PCYT1A: variants seen among roughly 807,000 people sequenced by gnomAD.
The protein encoded by PCYT1A is phosphate cytidylyltransferase 1A, choline, also known as choline-phosphate cytidylyltransferase A.
A neutral mutation model predicts 43.7 loss-of-function variants in PCYT1A; 25 were observed. The ratio of observed to expected loss-of-function variants is 0.57; its 90% confidence interval spans 0.42 to 0.80. The LOEUF (loss-of-function observed/expected upper bound fraction) is 0.80, where lower values mean the gene tolerates loss of function less well. PCYT1A is among the 30% of genes least tolerant of loss of function. The probability of loss-of-function intolerance (pLI) is 0.00; values close to 1 mark genes in which losing one functional copy is unlikely to be tolerated. For synonymous variants in PCYT1A, 172 were observed against 170.7 expected (o/e 1.01, Z -0.06); for missense variants, 421 against 474.2 (o/e 0.89, Z 1.04).
intron 2 of PCYT1A, among the ~76,000 whole-genome samples, chr3:196,261,786 T>C (rs1449433025): frequency 7.9e-6 from 1 of 125,970 alleles, no homozygotes; most frequent in Non-Finnish European, 1.7e-5. Flanking sequence ...CAAAACTCCA[T>C]CTCAAAAAAA....
rs937516164 is a variant in PCYT1A, at chr3:196,283,454, T to C, written c.-11+4161A>G. 3.3e-5 allele frequency: 5 copies of C among 152,284 alleles called. No homozygotes were observed. In the East Asian group the frequency reaches 5.8e-4, roughly 18 times the overall value. 9.4% of individuals were successfully genotyped at this position (152,284 alleles called of 1,614,324 possible). A position where few individuals can be genotyped will look rare whatever the true frequency, so the allele number is the denominator to read the frequency against. On this transcript the variant is annotated intron_variant, in intron 1 of 8. Coordinates refer to ENST00000431016, the MANE Select transcript of PCYT1A (RefSeq NM_001312673.2). The stretch of plus-strand genomic sequence containing the variant: ...CAGGTAATTCAATTATTTACATTAA[T>C]GAATAAGGTAGGTAACAAACCTAAA...
Position 196,247,772 on chromosome 3 carries a change from T to G in PCYT1A, c.335-254A>C. On this transcript the variant is annotated intron_variant, in intron 4 of 8. Transcript: ENST00000431016. This position sits in a 1 kb window ranked among gnomAD's most constrained non-coding sequence, Gnocchi z 4.8. ...ACAGTACAACAGGTGACCAAGATCT[T>G]TGACTCTGAAATAAACCTGCTGTGC... The G allele has an allele frequency of 1.6e-6, 1 of 634,652 alleles. No homozygotes were observed. Among genetic ancestry groups the G allele is most frequent in the Non-Finnish European group, 2.9e-6 (1 of 345,426 alleles). The allele number at this position is 634,652 out of a possible 1,614,324, so 39.3% of individuals were successfully genotyped here. A position where few individuals can be genotyped will look rare whatever the true frequency, so the allele number is the denominator to read the frequency against.
At position 196,282,185 on chromosome 3, in the gene PCYT1A, T is replaced by C. The variant is rs997019208; in HGVS notation, c.-11+5430A>G. The stretch of plus-strand genomic sequence containing the variant: ...AACAAACACTGAGCGGCACTTACTC[T>C]GTGCCAGACCCTGGGTTAGCCACTG... On this transcript the variant is annotated intron_variant, in intron 1 of 8. Transcript: ENST00000431016. The surrounding 1 kb of genome is among the most constrained non-coding windows in gnomAD (Gnocchi z 4.3). Among the ~76,000 whole-genome samples the C allele has an allele frequency of 6.6e-6, 1 of 152,236 alleles. No homozygotes were observed. The highest frequency in any genetic ancestry group is 2.4e-5 in the African/African-American group (1 of 41,460).
chr3:196,262,350 T>C (rs1302930535), intron 2 of PCYT1A, among the ~76,000 whole-genome samples: 3 of 152,216 alleles, frequency 2.0e-5, no homozygotes, highest in East Asian at 3.8e-4. Flanking sequence ...AAGTTTACTA[T>C]GAGGATTAAA....
At chr3:196,279,713 T>C (rs1261089356) in intron 1 of PCYT1A, among the ~76,000 whole-genome samples, 1 of 152,036 alleles carries the variant, frequency 6.6e-6, no homozygotes, top group Non-Finnish European at 1.5e-5. Context: ...GTCATATTTT[T>C]CCAATGTGAA....
chr3:196,258,590 GGA>G (rs1234179443), intron 2 of PCYT1A, among the ~76,000 whole-genome samples: 1 of 128,232 alleles, frequency 7.8e-6, no homozygotes, highest in Non-Finnish European at 1.7e-5. Flanking sequence ...TTTCCAATCT[GGA>G]TTTTTTTTTT....
rs1724140657 is a variant in PCYT1A, at chr3:196,235,672, T to G, written c.*3016A>C. 1 of 152,256 alleles carries G rather than the reference T, an allele frequency of 6.6e-6. No individual in the cohort carries two copies. Among genetic ancestry groups the G allele is most frequent in the Admixed American group, 6.5e-5 (1 of 15,290 alleles). 9.4% of individuals were successfully genotyped at this position (152,256 alleles called of 1,614,324 possible). ...AATGTCTCACACACAGAGGCTCTGC[T>G]CTAAGGCCAACACTTCTGGCTCTCT... On this transcript the variant is annotated 3_prime_UTR_variant, in exon 9 of 9. Coordinates refer to ENST00000431016, the MANE Select transcript of PCYT1A (RefSeq NM_001312673.2). The surrounding 1 kb of genome is among the most constrained non-coding windows in gnomAD (Gnocchi z 4.3).
rs1264437935 is a variant in PCYT1A at position 196,247,255 on chromosome 3, A to G, written c.486+112T>C. On this transcript the variant is annotated intron_variant, in intron 5 of 8. Coordinates refer to ENST00000431016, the MANE Select transcript of PCYT1A (RefSeq NM_001312673.2). The surrounding 1 kb of genome is among the most constrained non-coding windows in gnomAD (Gnocchi z 4.8). ...CACTGTCATCTCCTACGAAACTTAC[A>G]TAAGAGGTAGAAGTAAAACACGGCT... is the stretch of plus-strand genomic sequence containing the variant. 10 of 1,078,852 alleles carry G rather than the reference A, an allele frequency of 9.3e-6. No homozygotes were observed. The highest frequency in any genetic ancestry group is 5.7e-5 in the Admixed American group (3 of 52,756). 66.8% of individuals were successfully genotyped at this position (1,078,852 alleles called of 1,614,324 possible). A position where few individuals can be genotyped will look rare whatever the true frequency, so the allele number is the denominator to read the frequency against.
rs769080225 is a variant in PCYT1A, at chr3:196,234,763, A to G, written c.*3925T>C. ...TGGCAGACAACAATCTTTCTTCTTC[A>G]AGAAAATTAACATTTAATGGTATAA... On this transcript the variant is annotated 3_prime_UTR_variant, in exon 9 of 9. Coordinates refer to ENST00000431016, the MANE Select transcript of PCYT1A (RefSeq NM_001312673.2). 6.6e-6 allele frequency: 1 copy of G among 152,240 alleles called. No individual in the cohort carries two copies. Among genetic ancestry groups the G allele is most frequent in the Non-Finnish European group, 1.5e-5 (1 of 68,046 alleles). 9.4% of individuals were successfully genotyped at this position (152,240 alleles called of 1,614,324 possible).
In PCYT1A at chr3:196,242,182, C is replaced by A; in HGVS notation, c.566-92G>T. On this transcript the variant is annotated intron_variant, in intron 6 of 8. Transcript: ENST00000431016. This position sits in a 1 kb window ranked among gnomAD's most constrained non-coding sequence, Gnocchi z 4.2. ...GGAAATTGGGGGCAACATTCCTTTC[C>A]TTTCCTCAAAAAGCAGAATCTGTTA... 7.8e-7 allele frequency: 1 copy of A among 1,280,282 alleles called. No individual in the cohort carries two copies. Among genetic ancestry groups the A allele is most frequent in the Non-Finnish European group, 1.1e-6 (1 of 892,196 alleles). 79.3% of individuals were successfully genotyped at this position (1,280,282 alleles called of 1,614,324 possible). A position where few individuals can be genotyped will look rare whatever the true frequency, so the allele number is the denominator to read the frequency against.
chr3:196,243,769 C>T (rs1416216282), intron 5 of PCYT1A, among the ~76,000 whole-genome samples: 11 of 152,258 alleles, frequency 7.2e-5, no homozygotes, highest in Non-Finnish European at 1.6e-4. Context: ...CTCCTAACCG[C>T]GAGTGATCCG....
At chr3:196,245,844 G>T (rs113920467) in intron 5 of PCYT1A, among the ~76,000 whole-genome samples, 1 of 151,616 alleles carries the variant, frequency 6.6e-6, no homozygotes, top group Middle Eastern at 3.2e-3. Flanking sequence ...CCAGCTACTC[G>T]GGAGGCTGAG....
intron 1 of PCYT1A, among the ~76,000 whole-genome samples, chr3:196,275,958 G>GT (rs1227954046): frequency 6.6e-6 from 1 of 151,680 alleles, no homozygotes; most frequent in Non-Finnish European, 1.5e-5. Flanking sequence ...TTAGCCAGGC[G>GT]TGGTGGCGGG....
At chr3:196,248,557 A>T (rs567356676) in intron 3 of PCYT1A, among the ~76,000 whole-genome samples, 110 of 151,882 alleles carry the variant, frequency 7.2e-4, no homozygotes, top group African/African-American at 2.5e-3. Flanking sequence ...TTTTTAGTAG[A>T]GATGGGGTTT....
chr3:196,262,090 AG>A (rs773589785), intron 2 of PCYT1A, among the ~76,000 whole-genome samples: 7 of 152,230 alleles, frequency 4.6e-5, no homozygotes, highest in Non-Finnish European at 1.0e-4. Context: ...TTATAAAAGT[AG>A]GACTAAATAT....
chr3:196,270,617 T>G (rs1725403350), intron 1 of PCYT1A, 76 bp from the exon 2 acceptor site: 1 of 912,248 alleles, frequency 1.1e-6, no homozygotes, highest in Non-Finnish European at 1.8e-6. Flanking sequence ...TCAGAGACGT[T>G]GACGTGGATA....
At chr3:196,269,185 C>T (rs1468789613) in intron 2 of PCYT1A, among the ~76,000 whole-genome samples, 1 of 152,180 alleles carries the variant, frequency 6.6e-6, no homozygotes, top group Non-Finnish European at 1.5e-5. Context: ...TAATTTGTTA[C>T]AAATGCAACA....
In PCYT1A at chr3:196,238,635, G is replaced by A; in HGVS notation, c.*53C>T. 1 of 1,203,362 alleles carries A rather than the reference G, an allele frequency of 8.3e-7. No homozygotes were observed. Among genetic ancestry groups the A allele is most frequent in the South Asian group, 1.7e-5 (1 of 58,818 alleles). 74.5% of individuals were successfully genotyped at this position (1,203,362 alleles called of 1,614,324 possible). The stretch of plus-strand genomic sequence containing the variant: ...GTCACAATTTGGAATTCAACAGAGA[G>A]CTTCTGAAGGTAATGGGACAGAAAG... On this transcript the variant is annotated 3_prime_UTR_variant, in exon 9 of 9. Transcript: ENST00000431016.
In PCYT1A at chr3:196,247,329, C is replaced by T. The variant is rs762046701; in HGVS notation, c.486+38G>A. The T allele has an allele frequency of 3.2e-5, 52 of 1,607,478 alleles. No homozygotes were observed. The South Asian group carries it at 5.6e-4, about 17-fold the overall frequency. ...AGCAGCTTTGAGAGTTGAGGGGATT[C>T]TGAAACAAGGAATGGGAATATGTGT... On this transcript the variant is annotated intron_variant, in intron 5 of 8. Transcript: ENST00000431016. The surrounding 1 kb of genome is among the most constrained non-coding windows in gnomAD (Gnocchi z 4.8).
Sources: gnomAD v4.1 joint callset for allele counts (sites outside exome capture counted in the v4.1 genomes callset) on GRCh38, gnomAD v4.1.1 for gene constraint, Gnocchi (gnomAD v3.1) non-coding constraint, MANE v1.5 for transcripts, NCBI Gene and HGNC (gene_info 2026-07-23, HGNC 2026-07-21) for gene names.